The following KIAA1549L variants were observed in gnomAD, a reference collection of about 807,000 sequenced individuals.
KIAA1549L encodes the protein KIAA1549 like.
A neutral mutation model predicts 160.7 loss-of-function variants in KIAA1549L; 88 were observed. The observed-to-expected ratio is 0.55, with a 90% CI of 0.46 to 0.65. The LOEUF is 0.65. Among genes scored for constraint, KIAA1549L ranks in the 30% least tolerant of loss-of-function variants. The pLI is 0.00. For synonymous variants in KIAA1549L, 950 were observed against 976.7 expected (o/e 0.97, Z 0.51); for missense variants, 2,258 against 2,437.5 (o/e 0.93, Z 1.55).
intron 1 of KIAA1549L, chr11:33,403,350 C>G (rs1850568039): frequency 1.1e-5 from 1 of 88,988 alleles, no homozygotes; most frequent in East Asian, 4.5e-4. Context: ...GACACGCAGA[C>G]AGACACACAC....
chr11:33,574,466 A>T (rs1855374769), intron 9 of KIAA1549L, among the ~76,000 whole-genome samples: 1 of 152,242 alleles, frequency 6.6e-6, no homozygotes, highest in Non-Finnish European at 1.5e-5. Flanking sequence ...TTCTTCTCCA[A>T]CCACAAACTG....
chr11:33,652,482 T>TG (rs1325815342), intron 17 of KIAA1549L, among the ~76,000 whole-genome samples: 1 of 152,188 alleles, frequency 6.6e-6, no homozygotes, highest in Admixed American at 6.5e-5. Context: ...GGAATTCCCT[T>TG]GCTGCTTGTC....
At chr11:33,434,750 G>A in intron 1 of KIAA1549L, among the ~76,000 whole-genome samples, 1 of 152,204 alleles carries the variant, frequency 6.6e-6, no homozygotes, top group East Asian at 1.9e-4. Context: ...CTTGGTTGTA[G>A]GAGGGGCCAA....
At chr11:33,547,657 G>C in intron 3 of KIAA1549L, 107 bp from the exon 4 acceptor site, 1 of 698,974 alleles carries the variant, frequency 1.4e-6, no homozygotes, top group South Asian at 1.7e-5. Context: ...GTGCTTACCG[G>C]CTCTGCCCAG....
chr11:33,668,218 G>A lies in KIAA1549L; in HGVS notation c.*64G>A. On this transcript the variant is annotated 3_prime_UTR_variant, in exon 21 of 21. Coordinates refer to ENST00000658780, the MANE Select transcript of KIAA1549L (RefSeq NM_012194.3). ...AGGACTCAGCCTTTGGGTTTCCCATGCCTACGTGTTAGGACTTGAGACATA... is the reference window on the plus strand; with the variant it reads ...AGGACTCAGCCTTTGGGTTTCCCATACCTACGTGTTAGGACTTGAGACATA... 1 of 1,491,700 alleles carries A rather than the reference G, an allele frequency of 6.7e-7. No homozygotes were observed. The highest frequency in any genetic ancestry group is 1.4e-5 in the African/African-American group (1 of 72,282). The allele number at this position is 1,491,700 out of a possible 1,614,324, so 92.4% of individuals were successfully genotyped here.
At chr11:33,445,231 G>A (rs1224368412) in intron 1 of KIAA1549L, among the ~76,000 whole-genome samples, 1 of 152,170 alleles carries the variant, frequency 6.6e-6, no homozygotes, top group Admixed American at 6.5e-5. Context: ...CCAAACCTCT[G>A]TTGTGGGGGT....
intron 5 of KIAA1549L, among the ~76,000 whole-genome samples, chr11:33,551,874 A>G (rs116230724): frequency 6.6e-6 from 1 of 151,894 alleles, no homozygotes; most frequent in Non-Finnish European, 1.5e-5. Context: ...AAATCATAAA[A>G]TCTTTTGCAT....
intron 18 of KIAA1549L, among the ~76,000 whole-genome samples, chr11:33,657,285 A>C (rs1257422627): frequency 6.6e-6 from 1 of 151,942 alleles, no homozygotes; most frequent in African/African-American, 2.4e-5. Context: ...TCATACCAGC[A>C]ATTTGTGGGA....
chr11:33,629,447 T>A (rs1269210570), intron 16 of KIAA1549L, among the ~76,000 whole-genome samples: 4 of 152,168 alleles, frequency 2.6e-5, no homozygotes, highest in Non-Finnish European at 5.9e-5. Flanking sequence ...CATTTGGTCT[T>A]TTCACATAGT....
chr11:33,643,692 G>A (rs1051180994), intron 16 of KIAA1549L, among the ~76,000 whole-genome samples: 5 of 152,154 alleles, frequency 3.3e-5, no homozygotes, highest in African/African-American at 1.2e-4. Flanking sequence ...GGAGCAGGAG[G>A]CTCTGCCATT....
chr11:33,573,615 T>C (rs940433742), intron 9 of KIAA1549L, among the ~76,000 whole-genome samples: 25 of 152,212 alleles, frequency 1.6e-4, no homozygotes, highest in African/African-American at 6.0e-4. Context: ...ATAAACAATG[T>C]TGCTATAAAC....
rs773243063 is a variant in KIAA1549L at position 33,645,756 on chromosome 11, G to A, written c.5480G>A (p.Arg1827Gln). 14 of 1,613,944 alleles carry A rather than the reference G, an allele frequency of 8.7e-6. No homozygotes were observed. Among genetic ancestry groups the A allele is most frequent in the African/African-American group, 1.3e-5 (1 of 75,034 alleles). Reference sequence around the variant, plus strand: ...GAGCCCCGGGGCTATTCCAGGTCTCGACAGGTGAAAGGCCACTCGGAGACC... The same window carrying A: ...GAGCCCCGGGGCTATTCCAGGTCTCAACAGGTGAAAGGCCACTCGGAGACC... ...VPEPRGYSRS[R>Q]QVKGHSETST... Residue 1827 changes from arginine to glutamine, a missense_variant, in exon 17 of 21, where the codon CGA becomes CAA. Arg to Gln is a conservative substitution (Grantham distance 43). Transcript: ENST00000658780.
chr11:33,390,626 T>C (rs1400598196), intron 1 of KIAA1549L, among the ~76,000 whole-genome samples: 1 of 152,220 alleles, frequency 6.6e-6, no homozygotes, highest in Non-Finnish European at 1.5e-5. Context: ...AATGCCTTCT[T>C]AGCCTGATCC....
At chr11:33,377,782 C>G (rs1288243578) in intron 1 of KIAA1549L, among the ~76,000 whole-genome samples, 3 of 152,186 alleles carry the variant, frequency 2.0e-5, no homozygotes, top group African/African-American at 7.2e-5. Context: ...CTTCTTCTTT[C>G]TCAGAGTACC....
At chr11:33,552,337 ATG>A in intron 6 of KIAA1549L, 96 bp downstream of exon 6, 1 of 1,308,490 alleles carries the variant, frequency 7.6e-7, no homozygotes, top group South Asian at 1.4e-5. Flanking sequence ...CAGAGCTACC[ATG>A]TATAAATGTA....
intron 10 of KIAA1549L, among the ~76,000 whole-genome samples, chr11:33,582,075 C>A (rs1007039676): frequency 6.6e-6 from 1 of 152,206 alleles, no homozygotes; most frequent in Admixed American, 6.5e-5. Flanking sequence ...TGACAGAATA[C>A]TCACATATAA....
chr11:33,537,401 C>T (rs1269787259), intron 1 of KIAA1549L, among the ~76,000 whole-genome samples: 1 of 151,988 alleles, frequency 6.6e-6, no homozygotes, highest in Non-Finnish European at 1.5e-5. Flanking sequence ...TTGCTTAACT[C>T]AGTGTCTGGC....
At chr11:33,442,955 T>G (rs749054163) in intron 1 of KIAA1549L, among the ~76,000 whole-genome samples, 2 of 152,210 alleles carry the variant, frequency 1.3e-5, no homozygotes, top group African/African-American at 2.4e-5. Context: ...TATATGCTAC[T>G]TATCTGTTTT....
intron 1 of KIAA1549L, among the ~76,000 whole-genome samples, chr11:33,433,614 A>G (rs1181914190): frequency 6.6e-6 from 1 of 152,258 alleles, no homozygotes; most frequent in African/African-American, 2.4e-5. Flanking sequence ...AATATAAATC[A>G]TTCTGCTATA....
Sources: gnomAD v4.1 joint callset for allele counts (sites outside exome capture counted in the v4.1 genomes callset) on GRCh38, gnomAD v4.1.1 for gene constraint, MANE v1.5 for transcripts, NCBI Gene and HGNC (gene_info 2026-07-23, HGNC 2026-07-21) for gene names.